The following LCMT1 variants were observed in gnomAD, a reference collection of about 807,000 sequenced individuals.
LCMT1 encodes the protein [Phosphatase 2A protein]-leucine-carboxy methyltransferase 1.
A neutral mutation model predicts 47.7 loss-of-function variants in LCMT1; 32 were observed. The ratio of observed to expected loss-of-function variants is 0.67; its 90% CI spans 0.51 to 0.90. The LOEUF (loss-of-function observed/expected upper bound fraction) is 0.90, where lower values mean the gene tolerates loss of function less well. Ranked by LOEUF, LCMT1 falls within the 40% of genes least tolerant of loss-of-function variation. The pLI, the probability that LCMT1 is intolerant of heterozygous loss-of-function variation, is 0.00. For synonymous variants in LCMT1, 152 were observed against 149.7 expected, an observed-to-expected ratio of 1.02 and a Z score of -0.11; for missense variants, 375 against 415.2, an observed-to-expected ratio of 0.90 and a Z score of 0.84.
At chr16:25,176,207 C>T (rs1317616698) in intron 10 of LCMT1, among the ~76,000 whole-genome samples, 1 of 152,238 alleles carries the variant, frequency 6.6e-6, no homozygotes, top group East Asian at 1.9e-4. Flanking sequence ...TTTCAGCTGC[C>T]CCCTGCTGGG....
chr16:25,123,118 GTGCTAATTTTAT>G (rs1164656825), intron 1 of LCMT1, among the ~76,000 whole-genome samples: 1 of 151,670 alleles, frequency 6.6e-6, no homozygotes, highest in African/African-American at 2.4e-5. Flanking sequence ...AGTGTTTGCA[GTGCTAATTTTAT>G]TCCACATCAT....
chr16:25,154,628 A>C (rs2141687412), intron 5 of LCMT1, among the ~76,000 whole-genome samples: 1 of 151,602 alleles, frequency 6.6e-6, no homozygotes, highest in South Asian at 2.1e-4. Flanking sequence ...CTGGGACTAC[A>C]GGTGCCCGCC....
intron 4 of LCMT1, chr16:25,145,981 A>T (rs943447203): frequency 2.6e-5 from 4 of 152,304 alleles, no homozygotes; most frequent in African/African-American, 9.6e-5. Flanking sequence ...CTCTACCTGC[A>T]GTCTGTCCTC....
Position 25,111,969 on chromosome 16 carries a change from C to T in LCMT1, c.86C>T (p.Thr29Ile), listed in dbSNP as rs1959632629. The change falls in exon 1 of 11, where the codon ACC (threonine) becomes ATC (isoleucine). Residue 29 changes from threonine to isoleucine, a missense_variant. Thr to Ile is a moderately conservative substitution (Grantham distance 89). Transcript: ENST00000399069. ...CDADDEGVRG[T>I]CEDASLCKRF... is the part of the protein sequence containing the mutation. ...GCAGACGACGAGGGCGTGCGCGGCA[C>T]CTGCGAAGATGCTTCCCTGTGCAAG... 5 of 1,613,304 alleles carry T rather than the reference C, an allele frequency of 3.1e-6. No individual in the cohort carries two copies. The highest frequency in any genetic ancestry group is 4.2e-6 in the Non-Finnish European group (5 of 1,179,634).
intron 1 of LCMT1, among the ~76,000 whole-genome samples, chr16:25,123,579 G>T: frequency 7.1e-6 from 1 of 139,990 alleles, no homozygotes; most frequent in Non-Finnish European, 1.5e-5. Context: ...TTTCATGCTT[G>T]ACTTCCCGTT....
intron 7 of LCMT1, among the ~76,000 whole-genome samples, chr16:25,166,326 T>C (rs1003873156): frequency 6.6e-6 from 1 of 152,008 alleles, no homozygotes; most frequent in Non-Finnish European, 1.5e-5. Flanking sequence ...TTATGGGGAT[T>C]CCTGAGATGA....
chr16:25,121,000 A>G (rs572043457), intron 1 of LCMT1, among the ~76,000 whole-genome samples: 21 of 147,544 alleles, frequency 1.4e-4, no homozygotes, highest in Non-Finnish European at 2.4e-4. Flanking sequence ...GCCTCAAGCA[A>G]TCCTCCCACC....
chr16:25,137,486 C>A (rs1396554879), intron 3 of LCMT1, among the ~76,000 whole-genome samples: 1 of 152,076 alleles, frequency 6.6e-6, no homozygotes, highest in Non-Finnish European at 1.5e-5. Context: ...GCTCGGTCTC[C>A]CAGGCTGGAG....
At chr16:25,157,617 T>G (rs1961301428) in intron 5 of LCMT1, among the ~76,000 whole-genome samples, 1 of 152,190 alleles carries the variant, frequency 6.6e-6, no homozygotes, top group Non-Finnish European at 1.5e-5. Context: ...GGCAGATAAT[T>G]AAAGCTTGTA....
Position 25,150,333 on chromosome 16 carries a change from G to GTTTT in LCMT1, c.405-1196_405-1193dup, listed in dbSNP as rs35240331. On this transcript the variant is annotated intron_variant, in intron 4 of 10. Transcript: ENST00000399069. Reference sequence around the variant, plus strand: ...ATCAAGGCATCTTCATAGTTTTCTGGTTTTTTTTTTTTTTTTTTTTTTTTT... The same window carrying GTTTT: ...ATCAAGGCATCTTCATAGTTTTCTGGTTTTTTTTTTTTTTTTTTTTTTTTTTTTT... Among the ~76,000 whole-genome samples, 16 of 93,554 alleles carry GTTTT rather than the reference G, an allele frequency of 1.7e-4. 1 individual carries two copies. Among genetic ancestry groups the GTTTT allele is most frequent in the East Asian group, 3.8e-4 (1 of 2,652 alleles). 61.4% of individuals were successfully genotyped at this position (93,554 alleles called of 152,430 possible).
chr16:25,111,881 C>T lies in LCMT1; in HGVS notation c.-3C>T, dbSNP rs1486151813. 6.2e-7 allele frequency: 1 copy of T among 1,606,422 alleles called. No individual in the cohort carries two copies. The highest frequency in any genetic ancestry group is 1.3e-5 in the African/African-American group (1 of 74,916). On this transcript the variant is annotated 5_prime_UTR_variant, in exon 1 of 11. Coordinates refer to ENST00000399069, the MANE Select transcript of LCMT1 (RefSeq NM_016309.3). ...GACACAGCTCCCAGGAACCTCCACG[C>T]CCATGGCCACTAGGCAGAGGGAATC...
At chr16:25,114,529 T>C (rs2141619570) in intron 1 of LCMT1, among the ~76,000 whole-genome samples, 1 of 152,238 alleles carries the variant, frequency 6.6e-6, no homozygotes, top group South Asian at 2.1e-4. Flanking sequence ...CCTTCTCTGC[T>C]CTCCTTATGA....
chr16:25,151,694 T>TA (rs1961086168), intron 5 of LCMT1, 79 bp downstream of exon 5: 1 of 853,878 alleles, frequency 1.2e-6, no homozygotes, highest in Non-Finnish European at 1.8e-6. Flanking sequence ...GGGTTTGTGT[T>TA]GGGTGTGTGT....
At chr16:25,135,527 G>T (rs1000144007) in intron 3 of LCMT1, among the ~76,000 whole-genome samples, 3 of 152,128 alleles carry the variant, frequency 2.0e-5, no homozygotes, top group Admixed American at 2.0e-4. Flanking sequence ...TTACTTTCTG[G>T]CTCTTTACAG....
chr16:25,133,360 T>C (rs745974290), intron 3 of LCMT1, among the ~76,000 whole-genome samples: 5 of 146,188 alleles, frequency 3.4e-5, no homozygotes, highest in Non-Finnish European at 7.5e-5. Flanking sequence ...AAAACTGGAG[T>C]GTGGTCTTTG....
chr16:25,112,633 C>A (rs1959658836), intron 1 of LCMT1, among the ~76,000 whole-genome samples: 1 of 152,036 alleles, frequency 6.6e-6, no homozygotes, highest in South Asian at 2.1e-4. Context: ...TTGTGCCAGG[C>A]CTTTACTTTG....
intron 1 of LCMT1, among the ~76,000 whole-genome samples, chr16:25,121,442 A>T (rs990367514): frequency 3.3e-5 from 5 of 152,148 alleles, no homozygotes; most frequent in African/African-American, 7.2e-5. Context: ...ATTTCAAATT[A>T]TTTTTTTCTC....
intron 4 of LCMT1, among the ~76,000 whole-genome samples, chr16:25,149,255 A>T (rs778822276): frequency 6.6e-6 from 1 of 152,146 alleles, no homozygotes; most frequent in Non-Finnish European, 1.5e-5. Flanking sequence ...TATTTTTTTT[A>T]AAGCTCATCA....
At chr16:25,112,072 A>G in intron 1 of LCMT1, 76 bp downstream of exon 1, 1 of 962,112 alleles carries the variant, frequency 1.0e-6, no homozygotes, top group Non-Finnish European at 1.7e-6. Context: ...GCATCTGAAG[A>G]ATACGCTCAA....
Sources: allele counts gnomAD v4.1 joint callset (sites outside exome capture counted in the v4.1 genomes callset), GRCh38; gene constraint gnomAD v4.1.1; transcripts MANE v1.5; gene names NCBI Gene and HGNC (gene_info 2026-07-23, HGNC 2026-07-21).